The following DPP6 variants were observed in gnomAD, a reference collection of about 807,000 sequenced individuals.
DPP6 encodes the protein dipeptidyl peptidase like 6, also known as A-type potassium channel modulatory protein DPP6.
In DPP6, 69 loss-of-function variants were observed where a neutral mutation model predicts 122.6. That is an observed-to-expected ratio of 0.56 (90% CI 0.46 to 0.69). The LOEUF is 0.69. DPP6 is among the 30% of genes least tolerant of loss of function. The pLI, the probability that DPP6 is intolerant of heterozygous loss-of-function variation, is 0.00. For missense variants in DPP6, 928 were observed against 1,116.9 expected, an observed-to-expected ratio of 0.83 and a Z score of 2.41; for synonymous variants, 418 against 433.1, an observed-to-expected ratio of 0.97 and a Z score of 0.43.
intron 1 of DPP6, among the ~76,000 whole-genome samples, chr7:154,104,168 CT>C (rs1805970085): frequency 6.6e-6 from 1 of 152,218 alleles, no homozygotes; most frequent in Admixed American, 6.5e-5. Flanking sequence ...CCCACGTGGC[CT>C]TGCCTTTCTG....
At chr7:154,598,406 T>G (rs1301145286) in intron 5 of DPP6, among the ~76,000 whole-genome samples, 1 of 152,222 alleles carries the variant, frequency 6.6e-6, no homozygotes, top group African/African-American at 2.4e-5. Context: ...CGTTATTTGT[T>G]GCAGACAGCC....
chr7:154,567,444 T>C (rs1383508344), intron 5 of DPP6, among the ~76,000 whole-genome samples: 2 of 152,238 alleles, frequency 1.3e-5, no homozygotes, highest in Non-Finnish European at 2.9e-5. Flanking sequence ...TCTCACTGTG[T>C]ATTAGTAGCA....
At chr7:154,234,960 A>G (rs952618135) in intron 1 of DPP6, among the ~76,000 whole-genome samples, 3 of 152,172 alleles carry the variant, frequency 2.0e-5, no homozygotes, top group Non-Finnish European at 4.4e-5. Flanking sequence ...CCGGACACAC[A>G]AAGGACACAG....
chr7:153,918,938 C>A (rs1467201022), intron 1 of DPP6, among the ~76,000 whole-genome samples: 9 of 141,466 alleles, frequency 6.4e-5, no homozygotes, highest in Non-Finnish European at 4.5e-5. Context: ...GAGATCATGC[C>A]ACTGCACTCC....
At chr7:154,078,946 CAAAAAAAAAA>C (rs67950621) in intron 1 of DPP6, among the ~76,000 whole-genome samples, 3 of 112,592 alleles carry the variant, frequency 2.7e-5, no homozygotes, top group South Asian at 3.1e-4. Flanking sequence ...CATTCTTTTC[CAAAAAAAAAA>C]AAAAAAAAAA....
chr7:154,245,407 G>A (rs533073534), intron 1 of DPP6, among the ~76,000 whole-genome samples: 6 of 151,722 alleles, frequency 4.0e-5, no homozygotes, highest in African/African-American at 1.4e-4. Context: ...GGCCGAGGTG[G>A]GTGGATCACC....
intron 1 of DPP6, among the ~76,000 whole-genome samples, chr7:154,397,968 G>A (rs980352379): frequency 9.2e-5 from 14 of 152,006 alleles, no homozygotes; most frequent in Admixed American, 5.2e-4. Flanking sequence ...GTGTTTATTC[G>A]TGTCAATTTA....
At chr7:153,750,821 C>T in the DPP6 span, among the ~76,000 whole-genome samples, 10 of 152,254 alleles carry the variant, frequency 6.6e-5, no homozygotes, top group Non-Finnish European at 1.5e-4. Flanking sequence ...TCTTTAAAAT[C>T]TTTGATGGCC....
At chr7:154,644,918 T>C (rs1836350808) in intron 6 of DPP6, among the ~76,000 whole-genome samples, 1 of 152,080 alleles carries the variant, frequency 6.6e-6, no homozygotes, top group Non-Finnish European at 1.5e-5. Context: ...ACTGTCTTGC[T>C]CAGGGTAGTC....
intron 1 of DPP6, among the ~76,000 whole-genome samples, chr7:154,345,289 A>C (rs1443424432): frequency 6.6e-6 from 1 of 152,114 alleles, no homozygotes; most frequent in Non-Finnish European, 1.5e-5. Context: ...CTCATGACTC[A>C]CCACTTCCCA....
Position 154,356,882 on chromosome 7 carries a change from A to AT in DPP6, c.244-89330dup, listed in dbSNP as rs532543558. ...AGAATTAAAAAAACATGGGAAGGCA[A>AT]TTAGCGAATTTTGTTGAAATTTGAC... On this transcript the variant is annotated intron_variant, in intron 1 of 25. Transcript: ENST00000377770. 2.4e-3 allele frequency among the ~76,000 whole-genome samples: 367 copies of AT among 152,314 alleles called. 4 individuals are homozygous for AT. The highest frequency in any genetic ancestry group is 8.7e-3 in the African/African-American group (362 of 41,570).
At chr7:154,482,558 T>C (rs984121125) in intron 3 of DPP6, among the ~76,000 whole-genome samples, 10 of 152,202 alleles carry the variant, frequency 6.6e-5, no homozygotes, top group Non-Finnish European at 8.8e-5. Flanking sequence ...TAAATTTTCA[T>C]AGCTCTCCTT....
At chr7:153,995,588 C>CAA (rs55905154) in intron 1 of DPP6, among the ~76,000 whole-genome samples, 47,246 of 88,754 alleles carry the variant, frequency 0.53, 13,398 homozygotes, top group Non-Finnish European at 0.55. Flanking sequence ...GACTCCGTCT[C>CAA]AAAAAAAAAA....
chr7:153,919,914 G>T (rs1800551759), intron 1 of DPP6, among the ~76,000 whole-genome samples: 1 of 152,176 alleles, frequency 6.6e-6, no homozygotes. Flanking sequence ...GTTGGCCAGA[G>T]AATGGATTGA....
At chr7:154,574,741 GTGTAT>G in intron 5 of DPP6, among the ~76,000 whole-genome samples, 1 of 133,010 alleles carries the variant, frequency 7.5e-6, no homozygotes, top group African/African-American at 2.8e-5. Flanking sequence ...TGTGTGGTGT[GTGTAT>G]GTGTGTTGTG....
At chr7:153,825,879 C>A in the DPP6 span, among the ~76,000 whole-genome samples, 196 of 152,192 alleles carry the variant, frequency 1.3e-3, 1 homozygote, top group South Asian at 0.022. Flanking sequence ...ATTTTTCTAC[C>A]TTCTGTGTCT....
intron 3 of DPP6, among the ~76,000 whole-genome samples, chr7:154,537,638 C>A (rs575065404): frequency 6.6e-6 from 1 of 151,092 alleles, no homozygotes; most frequent in Non-Finnish European, 1.5e-5. Context: ...TGCAGTGAGC[C>A]GAGATCATGC....
chr7:153,929,599 C>T lies in DPP6; in HGVS notation c.51+41865C>T, dbSNP rs150688109. On this transcript the variant is annotated intron_variant, in intron 1 of 25. Transcript: ENST00000404039. Reference sequence around the variant, plus strand: ...GGAGAGAGCAGCCCTGGGGAAAGTACAGACTTGTCAAGCTATTGATAGCAT... The same window carrying T: ...GGAGAGAGCAGCCCTGGGGAAAGTATAGACTTGTCAAGCTATTGATAGCAT... Among the ~76,000 whole-genome samples, 96 of 152,046 alleles carry T rather than the reference C, an allele frequency of 6.3e-4. No homozygotes were observed. In the East Asian group the frequency reaches 0.014, roughly 22 times the overall value.
At position 154,205,393 on chromosome 7, in the gene DPP6, A is replaced by T. The variant is rs144745136; in HGVS notation, c.243+152330A>T. 3.0e-3 allele frequency among the ~76,000 whole-genome samples: 460 copies of T among 152,260 alleles called. 4 individuals carry two copies. The highest frequency in any genetic ancestry group is 0.011 in the African/African-American group (438 of 41,544). On this transcript the variant is annotated intron_variant, in intron 1 of 25. Coordinates refer to ENST00000377770, the MANE Select transcript of DPP6 (RefSeq NM_130797.4). ...CAACCACTGATCCATTCTCATTTCTATAATCTTGTCATTTCATGTAGTTAA... is the reference window on the plus strand; with the variant it reads ...CAACCACTGATCCATTCTCATTTCTTTAATCTTGTCATTTCATGTAGTTAA...
Sources: gnomAD v4.1 joint callset for allele counts (sites outside exome capture counted in the v4.1 genomes callset) on GRCh38, gnomAD v4.1.1 for gene constraint, MANE v1.5 for transcripts, NCBI Gene and HGNC (gene_info 2026-07-23, HGNC 2026-07-21) for gene names.